Variants in SLIT3 observed in about 807,000 individuals in gnomAD.
SLIT3 encodes the protein slit homolog 3 protein.
Under a neutral mutation model 184.0 loss-of-function variants are expected in SLIT3, and 68 were observed. That is an observed-to-expected ratio of 0.37 (90% CI 0.30 to 0.45). SLIT3 has a LOEUF of 0.45. Ranked by LOEUF, SLIT3 falls within the 20% of genes least tolerant of loss-of-function variation. The probability of loss-of-function intolerance (pLI) is 1.00; values close to 1 mark genes in which losing one functional copy is unlikely to be tolerated. For missense variants in SLIT3, 1,707 were observed against 2,026.0 expected, an observed-to-expected ratio of 0.84 and a Z score of 3.02; for synonymous variants, 831 against 828.6, an observed-to-expected ratio of 1.00 and a Z score of -0.05.
At chr5:168,942,486 C>T (rs954275287) in intron 4 of SLIT3, among the ~76,000 whole-genome samples, 3 of 152,160 alleles carry the variant, frequency 2.0e-5, no homozygotes, top group African/African-American at 7.2e-5. Flanking sequence ...AAAATTTGTA[C>T]AAAATGTATC....
At chr5:168,770,406 G>A (rs1755507665) in intron 14 of SLIT3, among the ~76,000 whole-genome samples, 1 of 152,178 alleles carries the variant, frequency 6.6e-6, no homozygotes, top group African/African-American at 2.4e-5. Context: ...CATCCAGTCT[G>A]TGTCACCTGC....
chr5:169,043,575 C>T (rs916904131), intron 4 of SLIT3, among the ~76,000 whole-genome samples: 5 of 152,230 alleles, frequency 3.3e-5, no homozygotes, highest in African/African-American at 4.8e-5. Context: ...CTTTTGAAAA[C>T]ACTTTATATG....
chr5:169,002,237 C>A (rs1291177204), intron 4 of SLIT3, among the ~76,000 whole-genome samples: 1 of 133,668 alleles, frequency 7.5e-6, no homozygotes, highest in Non-Finnish European at 1.5e-5. Flanking sequence ...GCAGAAGAAT[C>A]ACTTGAACTG....
chr5:168,771,556 A>G (rs1755550511), intron 14 of SLIT3, among the ~76,000 whole-genome samples: 1 of 152,204 alleles, frequency 6.6e-6, no homozygotes, highest in Admixed American at 6.5e-5. Context: ...AAATCAGACT[A>G]GAAGCCTCCA....
At position 168,820,101 on chromosome 5, in the gene SLIT3, G is replaced by A. The variant is rs116436348; in HGVS notation, c.630-2638C>T. ...TAGTAAAAGAAAAATAATCATAATG[G>A]CATGAAATTAGAGCTTAGGCACTGT... is the stretch of plus-strand genomic sequence containing the variant. On this transcript the variant is annotated intron_variant, in intron 7 of 35. Transcript: ENST00000519560. Among the ~76,000 whole-genome samples the A allele has an allele frequency of 2.0e-3, 303 of 152,280 alleles. 5 individuals are homozygous for A. Among genetic ancestry groups the A allele is most frequent in the African/African-American group, 6.9e-3 (287 of 41,566 alleles).
intron 1 of SLIT3, among the ~76,000 whole-genome samples, chr5:169,292,777 T>G (rs561979936): frequency 6.6e-6 from 1 of 152,270 alleles, no homozygotes; most frequent in East Asian, 1.9e-4. Flanking sequence ...TTGCCAAAAG[T>G]TAATTAGGAT....
chr5:169,013,770 A>G (rs1756255287), intron 4 of SLIT3, among the ~76,000 whole-genome samples: 1 of 152,194 alleles, frequency 6.6e-6, no homozygotes, highest in Non-Finnish European at 1.5e-5. Flanking sequence ...CTCTGCTCAA[A>G]TATTCATTCA....
At chr5:169,295,174 G>A (rs1271511224) in intron 1 of SLIT3, among the ~76,000 whole-genome samples, 1 of 152,212 alleles carries the variant, frequency 6.6e-6, no homozygotes, top group Non-Finnish European at 1.5e-5. Context: ...CTAGGCGATA[G>A]GAATTCTTCA....
At chr5:169,226,958 A>G (rs1764833823) in intron 3 of SLIT3, among the ~76,000 whole-genome samples, 1 of 152,222 alleles carries the variant, frequency 6.6e-6, no homozygotes, top group South Asian at 2.1e-4. Flanking sequence ...CTTTGTCTGC[A>G]TACTTCACAC....
At chr5:169,176,558 G>C (rs1240555054) in intron 4 of SLIT3, among the ~76,000 whole-genome samples, 8 of 152,094 alleles carry the variant, frequency 5.3e-5, no homozygotes, top group Admixed American at 5.2e-4. Flanking sequence ...GTTAAGAGGA[G>C]TGACCTAAAT....
chr5:169,116,035 A>C (rs930533219), intron 4 of SLIT3, among the ~76,000 whole-genome samples: 1 of 152,210 alleles, frequency 6.6e-6, no homozygotes, highest in Non-Finnish European at 1.5e-5. Flanking sequence ...GCCAATGCTG[A>C]TGGAGCTCAG....
At chr5:169,122,667 C>T (rs755382739) in intron 4 of SLIT3, among the ~76,000 whole-genome samples, 4 of 152,140 alleles carry the variant, frequency 2.6e-5, no homozygotes, top group East Asian at 1.9e-4. Flanking sequence ...TTTAGGTTAC[C>T]GGTAACACCA....
At chr5:169,253,396 C>CG (rs1413187221) in intron 1 of SLIT3, among the ~76,000 whole-genome samples, 3 of 152,066 alleles carry the variant, frequency 2.0e-5, no homozygotes, top group African/African-American at 7.2e-5. Context: ...AAGGATGTGG[C>CG]GGGGGGCAGA....
chr5:168,904,885 G>A (rs1261286811), intron 4 of SLIT3, among the ~76,000 whole-genome samples: 1 of 152,154 alleles, frequency 6.6e-6, no homozygotes, highest in African/African-American at 2.4e-5. Context: ...GGTGATATCC[G>A]GCTGGGTGTG....
intron 6 of SLIT3, among the ~76,000 whole-genome samples, chr5:168,834,403 G>GA (rs1272008484): frequency 1.3e-5 from 2 of 152,038 alleles, no homozygotes; most frequent in African/African-American, 2.4e-5. Context: ...AATTTAGATG[G>GA]AGAAAGGGCC....
intron 4 of SLIT3, among the ~76,000 whole-genome samples, chr5:169,061,326 C>T (rs113040625): frequency 5.3e-5 from 8 of 152,172 alleles, no homozygotes; most frequent in African/African-American, 1.9e-4. Context: ...AGATGCTGTG[C>T]AGGTGGCTGG....
chr5:169,271,179 C>T (rs1187830975), intron 1 of SLIT3, among the ~76,000 whole-genome samples: 3 of 152,160 alleles, frequency 2.0e-5, no homozygotes, highest in Admixed American at 2.0e-4. Flanking sequence ...GGAGGGCAGA[C>T]AAGCATTCCA....
chr5:169,125,008 G>A (rs964561855), intron 4 of SLIT3, among the ~76,000 whole-genome samples: 1 of 151,806 alleles, frequency 6.6e-6, no homozygotes, highest in Non-Finnish European at 1.5e-5. Flanking sequence ...TTTATTTTTT[G>A]TTTTTCTGTT....
chr5:169,266,650 A>G (rs1475237597), intron 1 of SLIT3, among the ~76,000 whole-genome samples: 5 of 152,204 alleles, frequency 3.3e-5, no homozygotes, highest in Non-Finnish European at 5.9e-5. Context: ...AGGAAGAGGA[A>G]GAAATACAGC....
Sources: gnomAD v4.1 joint callset for allele counts (sites outside exome capture counted in the v4.1 genomes callset) on GRCh38, gnomAD v4.1.1 for gene constraint, MANE v1.5 for transcripts, NCBI Gene and HGNC (gene_info 2026-07-23, HGNC 2026-07-21) for gene names.